Variants in KDM6A observed in about 807,000 individuals in gnomAD.
KDM6A encodes lysine-specific demethylase 6A.
Under a neutral mutation model 117.6 loss-of-function variants are expected in KDM6A, and 11 were observed. That is an observed-to-expected ratio of 0.09 (90% confidence interval 0.06 to 0.15). KDM6A has a LOEUF of 0.15. KDM6A is among the 10% of genes least tolerant of loss of function. The pLI is 1.00. For missense variants in KDM6A, 799 were observed against 1,077.3 expected, an observed-to-expected ratio of 0.74 and a Z score of 3.62; for synonymous variants, 384 against 396.1, an observed-to-expected ratio of 0.97 and a Z score of 0.36.
chrX:45,013,327 A>G (rs923141989), intron 5 of KDM6A, among the ~76,000 whole-genome samples: 5 of 111,651 alleles, frequency 4.5e-5, no homozygotes, highest in African/African-American at 1.6e-4. Context: ...CCAACTAGAA[A>G]TAATTTAGGT....
At chrX:45,053,418 G>T (rs2043943430) in intron 9 of KDM6A, among the ~76,000 whole-genome samples, 1 of 111,620 alleles carries the variant, frequency 9.0e-6, no homozygotes, top group South Asian at 3.7e-4. Flanking sequence ...GCAAAAGAGC[G>T]AGACTCTGTC....
At chrX:45,040,967 CCCGGACGGGGCGGCCGG>C (rs2043133390) in intron 8 of KDM6A, among the ~76,000 whole-genome samples, 2 of 78,485 alleles carry the variant, frequency 2.5e-5, no homozygotes, top group East Asian at 9.4e-4. Context: ...CCCCTCACCT[CCCGGACGGGGCGGCCGG>C]CCGGGCGGGG....
intron 17 of KDM6A, among the ~76,000 whole-genome samples, chrX:45,064,021 A>C (rs906206634): frequency 8.9e-6 from 1 of 112,012 alleles, no homozygotes; most frequent in East Asian, 2.8e-4. Flanking sequence ...ACCGACATAG[A>C]TAACTTAGCA....
At chrX:44,971,723 A>C (rs1287035616) in intron 3 of KDM6A, among the ~76,000 whole-genome samples, 1 of 110,929 alleles carries the variant, frequency 9.0e-6, no homozygotes, top group Non-Finnish European at 1.9e-5. Context: ...TTGTTGGTTA[A>C]CTTTGCCATA....
At chrX:45,058,539 C>A (rs1478424950) in intron 10 of KDM6A, among the ~76,000 whole-genome samples, 2 of 110,282 alleles carry the variant, frequency 1.8e-5, no homozygotes, top group African/African-American at 6.6e-5. Context: ...AATTATTGCC[C>A]TCAGTGTTGT....
At chrX:44,898,503 G>A (rs998973496) in intron 2 of KDM6A, among the ~76,000 whole-genome samples, 2 of 111,610 alleles carry the variant, frequency 1.8e-5, no homozygotes, top group Admixed American at 9.5e-5. Flanking sequence ...GCTGGGTCCT[G>A]TTGACACCAG....
At chrX:44,887,914 G>A (rs2033025984) in intron 2 of KDM6A, among the ~76,000 whole-genome samples, 1 of 111,376 alleles carries the variant, frequency 9.0e-6, no homozygotes, top group Admixed American at 9.7e-5. Context: ...AAAACCGCTC[G>A]AGCCCAGGAA....
intron 2 of KDM6A, among the ~76,000 whole-genome samples, chrX:44,922,122 A>AGCCTCT (rs1389500847): frequency 1.2e-5 from 1 of 85,964 alleles, no homozygotes; most frequent in African/African-American, 4.6e-5. Context: ...GGCTCACTGC[A>AGCCTCT]GCCTCTGCCT....
intron 27 of KDM6A, among the ~76,000 whole-genome samples, chrX:45,103,936 TA>T (rs1351942227): frequency 8.9e-6 from 1 of 112,428 alleles, no homozygotes; most frequent in African/African-American, 3.2e-5. Flanking sequence ...GTTTCTAAAG[TA>T]CACGTATGCA....
At chrX:45,101,227 T>C (rs2046329077) in intron 27 of KDM6A, among the ~76,000 whole-genome samples, 1 of 111,658 alleles carries the variant, frequency 9.0e-6, no homozygotes. Context: ...ATTTATTGGC[T>C]GGGGAACTGC....
At chrX:44,985,378 T>C (rs2040158332) in intron 4 of KDM6A, among the ~76,000 whole-genome samples, 1 of 111,542 alleles carries the variant, frequency 9.0e-6, no homozygotes, top group Admixed American at 9.5e-5. Context: ...ACTTCCTCTT[T>C]TCCTAGTTTG....
At chrX:45,037,123 C>T (rs1278940329) in intron 7 of KDM6A, among the ~76,000 whole-genome samples, 1 of 112,681 alleles carries the variant, frequency 8.9e-6, no homozygotes, top group South Asian at 3.6e-4. Flanking sequence ...AGAGTACCTA[C>T]TTTGAGCCAG....
chrX:44,908,299 C>T (rs1442185569), intron 2 of KDM6A, among the ~76,000 whole-genome samples: 1 of 111,554 alleles, frequency 9.0e-6, no homozygotes, highest in East Asian at 2.8e-4. Context: ...CATAACAAAC[C>T]ACCACCAATG....
rs746746824 is a variant in KDM6A at position 45,059,450 on chromosome X, G to A, written c.1178G>A (p.Arg393Gln). Reference sequence around the variant, plus strand: ...AGTAATACCTCTGCACTTGCAGCACGAATTAAGTATTTACAGGTAAAATTT... The same window carrying A: ...AGTAATACCTCTGCACTTGCAGCACAAATTAAGTATTTACAGGTAAAATTT... ...SCSNTSALAA[R>Q]IKYLQAQLCN... Residue 393 changes from arginine (R) to glutamine (Q), a missense_variant, in exon 12 of 30, where the codon CGA becomes CAA. Coordinates refer to ENST00000611820, the MANE Select transcript of KDM6A (RefSeq NM_001291415.2). 10 of 1,203,433 alleles carry A rather than the reference G, an allele frequency of 8.3e-6. No individual in the cohort carries two copies. Among genetic ancestry groups the A allele is most frequent in the South Asian group, 1.8e-5 (1 of 56,507 alleles).
At chrX:44,939,095 A>T (rs776978902) in intron 2 of KDM6A, among the ~76,000 whole-genome samples, 2 of 112,572 alleles carry the variant, frequency 1.8e-5, no homozygotes, top group East Asian at 5.6e-4. Context: ...CAGCCCATAG[A>T]TCAAGAACTA....
At chrX:44,898,111 A>G (rs1221343703) in intron 2 of KDM6A, among the ~76,000 whole-genome samples, 1 of 111,708 alleles carries the variant, frequency 9.0e-6, no homozygotes, top group Non-Finnish European at 1.9e-5. Context: ...GAGTAGGGGT[A>G]TAAGATGAAC....
intron 2 of KDM6A, among the ~76,000 whole-genome samples, chrX:44,912,924 T>C (rs1454236567): frequency 8.9e-6 from 1 of 112,519 alleles, no homozygotes; most frequent in Admixed American, 9.4e-5. Flanking sequence ...ACTCAAAGTT[T>C]GCAATGTTAT....
At chrX:44,915,403 C>T (rs2035487760) in intron 2 of KDM6A, among the ~76,000 whole-genome samples, 1 of 111,853 alleles carries the variant, frequency 8.9e-6, no homozygotes, top group African/African-American at 3.3e-5. Context: ...TGGTATTGTA[C>T]ACCAGTGGCT....
intron 2 of KDM6A, among the ~76,000 whole-genome samples, chrX:44,879,076 G>T (rs2031987457): frequency 8.9e-6 from 1 of 111,820 alleles, no homozygotes; most frequent in South Asian, 3.7e-4. Flanking sequence ...TGTGACTTAG[G>T]TGAAGTGATA....
Sources: gnomAD v4.1 joint callset for allele counts (sites outside exome capture counted in the v4.1 genomes callset) on GRCh38, gnomAD v4.1.1 for gene constraint, MANE v1.5 for transcripts, NCBI Gene and HGNC (gene_info 2026-07-23, HGNC 2026-07-21) for gene names.